NRCAM: variants seen among roughly 807,000 people sequenced by gnomAD.
The protein encoded by NRCAM is neuronal cell adhesion molecule.
Under a neutral mutation model 156.5 loss-of-function variants are expected in NRCAM, and 83 were observed. That is an observed-to-expected ratio of 0.53 (90% CI 0.44 to 0.64). The LOEUF is 0.64. NRCAM is among the 30% of genes least tolerant of loss of function. NRCAM has a pLI of 0.00. For missense variants in NRCAM, 1,417 were observed against 1,597.3 expected (o/e 0.89, Z 1.92); for synonymous variants, 538 against 563.9 (o/e 0.95, Z 0.65).
chr7:108,388,267 G>A (rs934976469), intron 2 of NRCAM, among the ~76,000 whole-genome samples: 17 of 152,106 alleles, frequency 1.1e-4, no homozygotes, highest in Non-Finnish European at 1.8e-4. Flanking sequence ...GGTGTGAGAT[G>A]GTATCTCATT....
chr7:108,181,883 G>A lies in NRCAM; in HGVS notation c.2585C>T (p.Ala862Val), dbSNP rs1417607039. ...AGGTACTGGGTCCCAGTGCACCTCGGCTAAGGTACTGTTCACCACATTCAC... is the reference window on the plus strand; with the variant it reads ...AGGTACTGGGTCCCAGTGCACCTCGACTAAGGTACTGTTCACCACATTCAC... ...VRVNVVNSTL[A>V]EVHWDPVPLK... Residue 862 changes from alanine (A) to valine (V), a missense_variant, in exon 24 of 33, where the codon GCC (alanine) becomes GTC (valine). Ala to Val is a moderately conservative substitution (Grantham distance 64). Around this residue, in one of 2 missense-constraint regions of NRCAM, gnomAD observed 1,238 missense variants for 1,336.4 expected, o/e 0.93. Transcript: ENST00000379028. 3.7e-6 allele frequency: 6 copies of A among 1,614,020 alleles called. No homozygotes were observed. Among genetic ancestry groups the A allele is most frequent in the East Asian group, 4.5e-5 (2 of 44,890 alleles).
At chr7:108,256,380 A>C (rs1237613535) in intron 3 of NRCAM, among the ~76,000 whole-genome samples, 3 of 149,078 alleles carry the variant, frequency 2.0e-5, no homozygotes, top group Admixed American at 2.0e-4. Context: ...TAAATGGATT[A>C]AGGGCGGTGC....
At chr7:108,433,396 A>G (rs1189266947) in intron 1 of NRCAM, among the ~76,000 whole-genome samples, 2 of 152,112 alleles carry the variant, frequency 1.3e-5, no homozygotes, top group Non-Finnish European at 2.9e-5. Flanking sequence ...AGGTCTAGAA[A>G]ATTGCTCCCC....
Position 108,166,902 on chromosome 7 carries a change from G to A in NRCAM, c.3466+19C>T, listed in dbSNP as rs749480667. ...CCACCTCTGAGCGGGAGCCAGAACA[G>A]GTGTGGTGTGAGCCTCACCTGGGCC... On this transcript the variant is annotated intron_variant, in intron 30 of 32. Coordinates refer to ENST00000379028, the MANE Select transcript of NRCAM (RefSeq NM_001037132.4). 1.7e-5 allele frequency: 28 copies of A among 1,612,694 alleles called. No individual in the cohort carries two copies. In the South Asian group the frequency reaches 3.0e-4, roughly 17 times the overall value.
At chr7:108,432,006 C>T (rs955045924) in intron 1 of NRCAM, among the ~76,000 whole-genome samples, 1 of 152,144 alleles carries the variant, frequency 6.6e-6, no homozygotes, top group African/African-American at 2.4e-5. Flanking sequence ...CAGATAGGTG[C>T]AAGTTCCAAA....
At chr7:108,346,752 T>C (rs1352242733) in intron 2 of NRCAM, among the ~76,000 whole-genome samples, 3 of 152,182 alleles carry the variant, frequency 2.0e-5, no homozygotes, top group African/African-American at 7.2e-5. Context: ...TCCAATCCAG[T>C]AATCACTAAC....
At chr7:108,170,683 G>A (rs968480269) in intron 28 of NRCAM, among the ~76,000 whole-genome samples, 4 of 152,066 alleles carry the variant, frequency 2.6e-5, no homozygotes, top group Non-Finnish European at 5.9e-5. Context: ...ATGTCTTCAG[G>A]GTCTCCTGAG....
intron 30 of NRCAM, among the ~76,000 whole-genome samples, chr7:108,164,942 T>G (rs909561729): frequency 6.6e-6 from 1 of 152,142 alleles, no homozygotes; most frequent in Non-Finnish European, 1.5e-5. Flanking sequence ...TGAAAAATAA[T>G]TTTCTAAAGG....
At chr7:108,379,421 A>AT (rs1294176201) in intron 2 of NRCAM, among the ~76,000 whole-genome samples, 2 of 152,186 alleles carry the variant, frequency 1.3e-5, no homozygotes, top group Non-Finnish European at 2.9e-5. Context: ...TACCTAGAGT[A>AT]TTCAAAATTA....
At chr7:108,295,953 T>A (rs59723260) in intron 3 of NRCAM, among the ~76,000 whole-genome samples, 1,545 of 152,200 alleles carry the variant, frequency 0.01, 25 homozygotes, top group African/African-American at 0.034. Flanking sequence ...GTTCTGCACA[T>A]GACTGCATTT....
chr7:108,283,238 T>C (rs1402807288), intron 3 of NRCAM, among the ~76,000 whole-genome samples: 3 of 152,250 alleles, frequency 2.0e-5, no homozygotes, highest in African/African-American at 7.2e-5. Context: ...GACTATTACA[T>C]AACTGTCTTT....
intron 2 of NRCAM, among the ~76,000 whole-genome samples, chr7:108,350,649 C>T (rs569400184): frequency 6.6e-6 from 1 of 152,306 alleles, no homozygotes; most frequent in Admixed American, 6.5e-5. Context: ...CATACCCACT[C>T]CCCTGTTGGT....
intron 2 of NRCAM, among the ~76,000 whole-genome samples, chr7:108,384,175 T>C (rs985496421): frequency 6.6e-6 from 1 of 152,038 alleles, no homozygotes; most frequent in African/African-American, 2.4e-5. Flanking sequence ...TGAAATAATA[T>C]GTACAACAAA....
intron 1 of NRCAM, among the ~76,000 whole-genome samples, chr7:108,423,885 G>C (rs7787736): frequency 6.6e-6 from 1 of 152,172 alleles, no homozygotes; most frequent in African/African-American, 2.4e-5. Context: ...TGACGTCAGA[G>C]TGTTGAAATC....
At position 108,168,391 on chromosome 7, in the gene NRCAM, T is replaced by A; in HGVS notation, c.3199A>T (p.Asn1067Tyr). Residue 1067 changes from asparagine to tyrosine, a missense_variant, in exon 29 of 33, where the codon AAT becomes TAT. Physicochemically the swap from Asn to Tyr is moderately radical, Grantham distance 143. Around this residue, in one of 2 missense-constraint regions of NRCAM, gnomAD observed 1,238 missense variants for 1,336.4 expected, o/e 0.93. Coordinates refer to ENST00000379028, the MANE Select transcript of NRCAM (RefSeq NM_001037132.4). ...DVGAGKVQAV[N>Y]PRISNLTAAA... ...GCAGTAAGATTGCTGATCCTGGGAT[T>A]TACTGCTTGAACTAAACATACAATA... is the stretch of plus-strand genomic sequence containing the variant. The A allele has an allele frequency of 6.2e-7, 1 of 1,603,366 alleles. No homozygotes were observed. Among genetic ancestry groups the A allele is most frequent in the Non-Finnish European group, 8.5e-7 (1 of 1,176,146 alleles).
At chr7:108,270,125 A>C (rs1250287336) in intron 3 of NRCAM, among the ~76,000 whole-genome samples, 2 of 152,212 alleles carry the variant, frequency 1.3e-5, no homozygotes, top group East Asian at 1.9e-4. Flanking sequence ...CCTATTTTGT[A>C]AGGAGTTGTT....
chr7:108,195,210 T>C (rs1242393501), intron 15 of NRCAM, among the ~76,000 whole-genome samples: 1 of 152,114 alleles, frequency 6.6e-6, no homozygotes, highest in Non-Finnish European at 1.5e-5. Flanking sequence ...TAAAAAAAAA[T>C]CATTTACATG....
chr7:108,355,875 A>C (rs1189326493), intron 2 of NRCAM, among the ~76,000 whole-genome samples: 1 of 152,200 alleles, frequency 6.6e-6, no homozygotes, highest in African/African-American at 2.4e-5. Flanking sequence ...GCTTCATCAC[A>C]TCACGTAGGT....
intron 13 of NRCAM, among the ~76,000 whole-genome samples, chr7:108,198,935 T>C (rs1315289510): frequency 6.6e-6 from 1 of 152,188 alleles, no homozygotes; most frequent in Non-Finnish European, 1.5e-5. Context: ...GTCCCGGGCA[T>C]GCCCAGCAAT....
Sources: allele counts gnomAD v4.1 joint callset (sites outside exome capture counted in the v4.1 genomes callset), GRCh38; gene constraint gnomAD v4.1.1; regional missense constraint gnomAD v4.1.1; transcripts MANE v1.5; gene names NCBI Gene and HGNC (gene_info 2026-07-23, HGNC 2026-07-21).